HAS3: variants seen among roughly 807,000 people sequenced by gnomAD.
HAS3 encodes the protein hyaluronan synthase 3, also known as HA synthase 3.
Under a neutral mutation model 50.3 loss-of-function variants are expected in HAS3, and 27 were observed. That is an observed-to-expected ratio of 0.54 (90% CI 0.40 to 0.74). HAS3 has a LOEUF of 0.74. HAS3 is among the 30% of genes least tolerant of loss of function. The probability of loss-of-function intolerance (pLI) is 0.00; values close to 1 mark genes in which losing one functional copy is unlikely to be tolerated. For missense variants in HAS3, 517 were observed against 742.8 expected (o/e 0.70, Z 3.53); for synonymous variants, 339 against 310.9 (o/e 1.09, Z -0.95).
chr16:69,091,475 T>G, the HAS3 span, among the ~76,000 whole-genome samples: 1 of 152,214 alleles, frequency 6.6e-6, no homozygotes, highest in African/African-American at 2.4e-5. Context: ...TTTCAAATGT[T>G]AGTACCAAAT....
Position 69,117,538 on chromosome 16 carries a change from T to A in HAS3, c.*2272T>A, listed in dbSNP as rs1045516327. On this transcript the variant is annotated 3_prime_UTR_variant, in exon 4 of 4. Transcript: ENST00000569188. ...AGAATTCAAATCCTCTTTTGTATTG[T>A]TTCTACAATAATTTGTAAACATATT... 1 of 926,184 alleles carries A rather than the reference T, an allele frequency of 1.1e-6. No homozygotes were observed. Among genetic ancestry groups the A allele is most frequent in the African/African-American group, 1.8e-5 (1 of 55,974 alleles). The allele number at this position is 926,184 out of a possible 1,614,324, so 57.4% of individuals were successfully genotyped here. A position where few individuals can be genotyped will look rare whatever the true frequency, so the allele number is the denominator to read the frequency against.
downstream of HAS3, chr16:69,117,904 G>A (rs1961269026): frequency 5.8e-6 from 1 of 172,670 alleles, no homozygotes; most frequent in African/African-American, 2.4e-5. Flanking sequence ...TGGAGCAAAA[G>A]CATTTTAGCC....
upstream of HAS3, among the ~76,000 whole-genome samples, chr16:69,104,681 C>A (rs376842333): frequency 2.6e-5 from 4 of 152,108 alleles, no homozygotes; most frequent in African/African-American, 9.7e-5. Flanking sequence ...TGGCCTCAAG[C>A]GATCCTCCAT....
chr16:69,085,781 AT>A, the HAS3 span, among the ~76,000 whole-genome samples: 1 of 146,646 alleles, frequency 6.8e-6, no homozygotes, highest in African/African-American at 2.5e-5. Flanking sequence ...GTTTCTCCAT[AT>A]TGGCCAGGCT....
chr16:69,117,490 C>T lies in HAS3; in HGVS notation c.*2224C>T, dbSNP rs768557526. ...AGGGAAGAGCCTTTATACAATTGGA[C>T]GCATTTTGGTTTTTCCTCATTGAGA... On this transcript the variant is annotated 3_prime_UTR_variant, in exon 4 of 4. Coordinates refer to ENST00000569188, the MANE Select transcript of HAS3 (RefSeq NM_001199280.2). The T allele has an allele frequency of 2.0e-6, 2 of 982,780 alleles. No individual in the cohort carries two copies. Among genetic ancestry groups the T allele is most frequent in the Non-Finnish European group, 2.4e-6 (2 of 827,308 alleles). 60.9% of individuals were successfully genotyped at this position (982,780 alleles called of 1,614,324 possible).
chr16:69,099,723 G>T, the HAS3 span, among the ~76,000 whole-genome samples: 2 of 152,140 alleles, frequency 1.3e-5, no homozygotes, highest in African/African-American at 4.8e-5. Context: ...CATCGTAGGT[G>T]TCTGGAGTAT....
downstream of HAS3, chr16:69,118,521 T>A (rs775897961): frequency 1.0e-6 from 1 of 994,580 alleles, no homozygotes; most frequent in African/African-American, 1.6e-5. Flanking sequence ...CAGGCCAATG[T>A]ATCCCTGAGG....
chr16:69,115,701 G>A lies in HAS3; in HGVS notation c.*435G>A. Reference sequence around the variant, plus strand: ...TGGCAGGAGAATTTCTACTGAGCGAGCTGGGCCGGTTAGTGTATGTCACCC... The same window carrying A: ...TGGCAGGAGAATTTCTACTGAGCGAACTGGGCCGGTTAGTGTATGTCACCC... On this transcript the variant is annotated 3_prime_UTR_variant, in exon 4 of 4. Transcript: ENST00000569188. The A allele has an allele frequency of 1.0e-6, 1 of 991,088 alleles. No individual in the cohort carries two copies. The highest frequency in any genetic ancestry group is 1.2e-6 in the Non-Finnish European group (1 of 833,952). The allele number at this position is 991,088 out of a possible 1,614,324, so 61.4% of individuals were successfully genotyped here.
intron 1 of HAS3, among the ~76,000 whole-genome samples, chr16:69,108,957 T>C (rs563100514): frequency 5.1e-4 from 78 of 152,284 alleles, no homozygotes; most frequent in African/African-American, 1.9e-3. Flanking sequence ...ACTGGCTGCC[T>C]CCCTGGCCCT....
At chr16:69,104,284 C>A (rs1489038466), upstream of HAS3, among the ~76,000 whole-genome samples, 1 of 133,900 alleles carries the variant, frequency 7.5e-6, no homozygotes, top group Non-Finnish European at 1.6e-5. Context: ...CTTTTCTTTT[C>A]TTTTTCTTTT....
the HAS3 span, among the ~76,000 whole-genome samples, chr16:69,087,612 C>G: frequency 6.6e-6 from 1 of 150,706 alleles, no homozygotes; most frequent in East Asian, 2.0e-4. Flanking sequence ...CTTGGCCAGG[C>G]TGGTCTTGAA....
intron 2 of HAS3, among the ~76,000 whole-genome samples, chr16:69,112,363 A>G (rs1429552660): frequency 6.6e-6 from 1 of 152,160 alleles, no homozygotes; most frequent in East Asian, 1.9e-4. Flanking sequence ...GAAGAAGCAC[A>G]TATGAGGGAC....
At position 69,107,586 on chromosome 16, in the gene HAS3, C is replaced by T. The variant is rs1266653182; in HGVS notation, c.-1+1799C>T. On this transcript the variant is annotated intron_variant, in intron 1 of 3. Coordinates refer to ENST00000569188, the MANE Select transcript of HAS3 (RefSeq NM_001199280.2). The surrounding 1 kb of genome is among the most constrained non-coding windows in gnomAD (Gnocchi z 5.5). ...GACCTGGTGGGCGCCGCCTCCGGCACTGCACCGAGGCGGGGCGCCAGCGCC... is the reference window on the plus strand; with the variant it reads ...GACCTGGTGGGCGCCGCCTCCGGCATTGCACCGAGGCGGGGCGCCAGCGCC... 1 of 985,366 alleles carries T rather than the reference C, an allele frequency of 1.0e-6. No homozygotes were observed. The highest frequency in any genetic ancestry group is 1.2e-6 in the Non-Finnish European group (1 of 829,980). 61.0% of individuals were successfully genotyped at this position (985,366 alleles called of 1,614,324 possible).
rs2152253684 is a variant in HAS3 at position 69,105,739 on chromosome 16, C to T, written c.-49C>T. 1 of 152,362 alleles carries T rather than the reference C, an allele frequency of 6.6e-6. No homozygotes were observed. The highest frequency in any genetic ancestry group is 2.4e-5 in the African/African-American group (1 of 41,590). The allele number at this position is 152,362 out of a possible 1,614,324, so 9.4% of individuals were successfully genotyped here. On this transcript the variant is annotated 5_prime_UTR_variant, in exon 1 of 4. Transcript: ENST00000569188. Reference sequence around the variant, plus strand: ...CCCCCTAGACAGCGAACTGCCCCTTCGCGTGCAGAAGTCGGGGAAGAGTGC... The same window carrying T: ...CCCCCTAGACAGCGAACTGCCCCTTTGCGTGCAGAAGTCGGGGAAGAGTGC...
At chr16:69,099,241 G>C in the HAS3 span, among the ~76,000 whole-genome samples, 22 of 149,372 alleles carry the variant, frequency 1.5e-4, no homozygotes, top group Middle Eastern at 3.8e-3. Flanking sequence ...AAAGTGCTGG[G>C]ATTACAGGCG....
the HAS3 span, among the ~76,000 whole-genome samples, chr16:69,089,000 C>T: frequency 6.6e-6 from 1 of 152,128 alleles, no homozygotes; most frequent in Non-Finnish European, 1.5e-5. Flanking sequence ...AAGCAGTGAT[C>T]CCCAGCCCTT....
In HAS3 at chr16:69,115,220, G is replaced by A. The variant is rs1187372899; in HGVS notation, c.1616G>A (p.Cys539Tyr). 6.5e-7 allele frequency: 1 copy of A among 1,545,974 alleles called. No individual in the cohort carries two copies. Among genetic ancestry groups the A allele is most frequent in the Non-Finnish European group, 8.7e-7 (1 of 1,147,350 alleles). ...MLYLAIIARR[C>Y]GKKPEQYSLA... Reference sequence around the variant, plus strand: ...TATCTGGCCATCATCGCCCGGCGATGTGGGAAGAAGCCGGAGCAGTACAGC... The same window carrying A: ...TATCTGGCCATCATCGCCCGGCGATATGGGAAGAAGCCGGAGCAGTACAGC... Residue 539 changes from cysteine (C) to tyrosine (Y), a missense_variant, in exon 4 of 4, where the codon TGT becomes TAT. Transcript: ENST00000569188.
chr16:69,111,623 G>C (rs1208533318), intron 2 of HAS3, among the ~76,000 whole-genome samples: 1 of 152,166 alleles, frequency 6.6e-6, no homozygotes, highest in Non-Finnish European at 1.5e-5. Flanking sequence ...TTTGACAGTT[G>C]TCTCTGCATG....
chr16:69,111,893 G>A (rs1478244809), intron 2 of HAS3, among the ~76,000 whole-genome samples: 1 of 152,182 alleles, frequency 6.6e-6, no homozygotes, highest in Non-Finnish European at 1.5e-5. Flanking sequence ...TCCCTTTCCT[G>A]GCCATCTGGG....
Sources: gnomAD v4.1 joint callset for allele counts (sites outside exome capture counted in the v4.1 genomes callset) on GRCh38, gnomAD v4.1.1 for gene constraint, Gnocchi (gnomAD v3.1) non-coding constraint, MANE v1.5 for transcripts, NCBI Gene and HGNC (gene_info 2026-07-23, HGNC 2026-07-21) for gene names.